MACROD2: variants seen among roughly 807,000 people sequenced by gnomAD.
The protein encoded by MACROD2 is mono-ADP ribosylhydrolase 2.
MACROD2 carries 36 observed loss-of-function variants against 70.4 expected under a neutral mutation model. The observed-to-expected ratio is 0.51, with a 90% CI of 0.39 to 0.68. The LOEUF (loss-of-function observed/expected upper bound fraction) is 0.68. Among genes scored for constraint, MACROD2 ranks in the 30% least tolerant of loss-of-function variants. MACROD2 has a pLI of 0.00. For synonymous variants in MACROD2, 172 were observed against 178.8 expected (o/e 0.96, Z 0.30); for missense variants, 496 against 538.4 (o/e 0.92, Z 0.78).
At chr20:14,866,738 C>CA (rs1212343345) in intron 5 of MACROD2, among the ~76,000 whole-genome samples, 2 of 152,020 alleles carry the variant, frequency 1.3e-5, no homozygotes, top group African/African-American at 4.8e-5. Flanking sequence ...CAATGATATA[C>CA]ACGTGCAGGA....
At chr20:14,391,248 TA>T (rs1163621999) in intron 3 of MACROD2, among the ~76,000 whole-genome samples, 1 of 152,092 alleles carries the variant, frequency 6.6e-6, no homozygotes, top group Non-Finnish European at 1.5e-5. Context: ...ATAGATTGGA[TA>T]AAGAAAATGT....
At chr20:15,160,719 A>G (rs1010927842) in intron 5 of MACROD2, among the ~76,000 whole-genome samples, 1 of 152,048 alleles carries the variant, frequency 6.6e-6, no homozygotes, top group Admixed American at 6.6e-5. Context: ...AACCCATTAT[A>G]TCCCTTGATC....
chr20:14,951,952 C>G (rs2074479851), intron 5 of MACROD2, among the ~76,000 whole-genome samples: 1 of 149,416 alleles, frequency 6.7e-6, no homozygotes, highest in Non-Finnish European at 1.5e-5. Context: ...TTACTCATCA[C>G]TTAAAATAGC....
chr20:15,560,762 CAAAA>C (rs71190190), intron 8 of MACROD2, among the ~76,000 whole-genome samples: 370 of 22,028 alleles, frequency 0.017, no homozygotes, highest in East Asian at 0.072. Context: ...AACAAAGTCT[CAAAA>C]AAAAAAAAAA....
chr20:14,029,259 T>C (rs2053218691), intron 2 of MACROD2, among the ~76,000 whole-genome samples: 1 of 152,326 alleles, frequency 6.6e-6, no homozygotes, highest in East Asian at 1.9e-4. Context: ...TCTTTAATTG[T>C]AAGCCATCTG....
At chr20:14,877,802 C>T (rs930117920) in intron 5 of MACROD2, among the ~76,000 whole-genome samples, 4 of 152,076 alleles carry the variant, frequency 2.6e-5, no homozygotes, top group African/African-American at 9.7e-5. Flanking sequence ...TTGTACCACC[C>T]TTTCCTCCCT....
intron 2 of MACROD2, among the ~76,000 whole-genome samples, chr20:14,070,530 C>A (rs926598015): frequency 1.2e-4 from 18 of 152,114 alleles, no homozygotes; most frequent in Admixed American, 2.6e-4. Flanking sequence ...ATTATAATTT[C>A]ATTTTTACAT....
chr20:14,626,808 CT>C (rs968382823), intron 4 of MACROD2: 1 of 152,198 alleles, frequency 6.6e-6, no homozygotes, highest in Non-Finnish European at 1.5e-5. Context: ...TTAGTACCCC[CT>C]ATTCAAACGG....
chr20:14,166,189 G>T lies in MACROD2; in HGVS notation c.271+80461G>T, dbSNP rs575067656. ...AAAAGTTTTTAAAAATAAATATTTT[G>T]TGATGGTCATAGGCTTCTGAAGTTA... On this transcript the variant is annotated intron_variant, in intron 3 of 17. Transcript: ENST00000684519. 1.9e-3 allele frequency among the ~76,000 whole-genome samples: 296 copies of T among 152,214 alleles called. 2 individuals are homozygous for T. The highest frequency in any genetic ancestry group is 6.5e-3 in the African/African-American group (272 of 41,540).
At chr20:14,882,825 A>G (rs2073625728) in intron 5 of MACROD2, among the ~76,000 whole-genome samples, 1 of 152,174 alleles carries the variant, frequency 6.6e-6, no homozygotes, top group African/African-American at 2.4e-5. Flanking sequence ...CCCTGAAGAT[A>G]AAATTACTCT....
chr20:15,586,283 AT>A (rs1178692254), intron 8 of MACROD2, among the ~76,000 whole-genome samples: 1 of 152,082 alleles, frequency 6.6e-6, no homozygotes, highest in Non-Finnish European at 1.5e-5. Context: ...GGGCCTTAGG[AT>A]TTGCATTTCT....
chr20:14,627,891 T>C (rs753588208), intron 4 of MACROD2, among the ~76,000 whole-genome samples: 2 of 152,148 alleles, frequency 1.3e-5, no homozygotes, highest in Non-Finnish European at 2.9e-5. Flanking sequence ...AAGGACCTGA[T>C]GGACAAAAGG....
In MACROD2 at chr20:15,003,442, A is replaced by G. The variant is rs1488293318; in HGVS notation, c.419-226498A>G. On this transcript the variant is annotated intron_variant, in intron 5 of 17. Coordinates refer to ENST00000684519, the MANE Select transcript of MACROD2 (RefSeq NM_001351661.2). ...AGCAGCCCGGTCTGGGAAAAGAAAC[A>G]TATCATTAGATTTGTTATTAAACAG... is the stretch of plus-strand genomic sequence containing the variant. Among the ~76,000 whole-genome samples the G allele has an allele frequency of 2.0e-5, 3 of 152,194 alleles. No individual in the cohort carries two copies. The East Asian group carries it at 5.8e-4, about 29-fold the overall frequency.
chr20:15,865,134 T>C (rs2064474458), intron 9 of MACROD2, among the ~76,000 whole-genome samples: 1 of 152,158 alleles, frequency 6.6e-6, no homozygotes, highest in Non-Finnish European at 1.5e-5. Context: ...ATGATAATAG[T>C]TTAGAAAAGA....
intron 3 of MACROD2, among the ~76,000 whole-genome samples, chr20:14,096,576 C>T (rs1235328825): frequency 3.3e-5 from 5 of 151,990 alleles, no homozygotes; most frequent in Non-Finnish European, 5.9e-5. Flanking sequence ...GCCATGTTGG[C>T]CAAACTGGTC....
intron 7 of MACROD2, among the ~76,000 whole-genome samples, chr20:15,461,231 G>T (rs1333876351): frequency 1.3e-5 from 2 of 151,218 alleles, no homozygotes; most frequent in African/African-American, 2.4e-5. Flanking sequence ...TGTTCTCTTT[G>T]GATATTTATT....
At chr20:15,546,507 T>A (rs1056192630) in intron 8 of MACROD2, among the ~76,000 whole-genome samples, 2 of 152,156 alleles carry the variant, frequency 1.3e-5, no homozygotes, top group African/African-American at 4.8e-5. Flanking sequence ...AAACTTGGAA[T>A]GGGTTAAAAA....
At chr20:15,522,684 C>A (rs539294746) in intron 8 of MACROD2, among the ~76,000 whole-genome samples, 3 of 152,208 alleles carry the variant, frequency 2.0e-5, no homozygotes, top group African/African-American at 7.2e-5. Flanking sequence ...AGTATATAGG[C>A]AAATTGTATC....
intron 7 of MACROD2, among the ~76,000 whole-genome samples, chr20:15,461,969 A>G (rs1268076199): frequency 1.3e-5 from 2 of 152,156 alleles, no homozygotes; most frequent in African/African-American, 4.8e-5. Context: ...CTATTAGGTC[A>G]ACTAGCCTCA....
Sources: allele counts gnomAD v4.1 joint callset (sites outside exome capture counted in the v4.1 genomes callset), GRCh38; gene constraint gnomAD v4.1.1; transcripts MANE v1.5; gene names NCBI Gene and HGNC (gene_info 2026-07-23, HGNC 2026-07-21).